The following CDK5R2 variants were observed in gnomAD, a reference collection of about 807,000 sequenced individuals.
The protein encoded by CDK5R2 is cyclin-dependent kinase 5 activator 2.
Under a neutral mutation model 23.1 loss-of-function variants are expected in CDK5R2, and 7 were observed. The ratio of observed to expected loss-of-function variants is 0.30; its 90% CI spans 0.17 to 0.57. CDK5R2 has a LOEUF of 0.57. CDK5R2 is among the 20% of genes least tolerant of loss of function. The probability of loss-of-function intolerance (pLI) is 0.91; values close to 1 mark genes in which losing one functional copy is unlikely to be tolerated. For synonymous variants in CDK5R2, 242 were observed against 264.9 expected (o/e 0.91, Z 0.84); for missense variants, 380 against 537.6 (o/e 0.71, Z 2.90).
chr2:218,960,960 C>A lies in CDK5R2; in HGVS notation c.*36C>A, dbSNP rs1274181170. Reference sequence around the variant, plus strand: ...GGGCCGCGCCCATCCCCCGCCCCAGCCCCTGACACACACTCGGACCCCCCG... The same window carrying A: ...GGGCCGCGCCCATCCCCCGCCCCAGACCCTGACACACACTCGGACCCCCCG... On this transcript the variant is annotated 3_prime_UTR_variant, in exon 1 of 1. Transcript: ENST00000302625. 1.8e-6 allele frequency: 2 copies of A among 1,118,542 alleles called. No homozygotes were observed. Among genetic ancestry groups the A allele is most frequent in the Non-Finnish European group, 2.4e-6 (2 of 822,658 alleles). The allele number at this position is 1,118,542 out of a possible 1,614,324, so 69.3% of individuals were successfully genotyped here.
rs1945197951 is a variant in CDK5R2, at chr2:218,960,759, C to T, written c.939C>T (p.Ala313=). 1 of 1,613,794 alleles carries T rather than the reference C, an allele frequency of 6.2e-7. No homozygotes were observed. Reference sequence around the variant, plus strand: ...GCCCGCAGATGCTGCGGCTCAACGCCGACCCCCACTTCTTCACGCAGGTCT... The same window carrying T: ...GCCCGCAGATGCTGCGGCTCAACGCTGACCCCCACTTCTTCACGCAGGTCT... ...RLSPQMLRLN[A]DPHFFTQVFQ... Residue 313 remains alanine (A), a synonymous_variant, in exon 1 of 1, where the codon GCC becomes GCT. Coordinates refer to ENST00000302625, the MANE Select transcript of CDK5R2 (RefSeq NM_003936.5).
Position 218,960,402 on chromosome 2 carries a change from G to A in CDK5R2, c.582G>A (p.Val194=), listed in dbSNP as rs374247286. ...GELLRCLGDF[V]CRRCYRLKEL... ...TGCTGCGCTGTCTGGGCGACTTCGTGTGCCGACGCTGCTATCGCCTCAAGG... is the reference window on the plus strand; with the variant it reads ...TGCTGCGCTGTCTGGGCGACTTCGTATGCCGACGCTGCTATCGCCTCAAGG... The change falls in exon 1 of 1, where the codon GTG becomes GTA. Residue 194 remains valine (V), a synonymous_variant. Coordinates refer to ENST00000302625, the MANE Select transcript of CDK5R2 (RefSeq NM_003936.5). 2.2e-5 allele frequency: 35 copies of A among 1,602,828 alleles called. No individual in the cohort carries two copies. The highest frequency in any genetic ancestry group is 3.0e-5 in the Non-Finnish European group (35 of 1,178,288).
At position 218,961,835 on chromosome 2, in the gene CDK5R2, TG is replaced by T. The variant is rs1393440740; in HGVS notation, c.*914del. The T allele has an allele frequency of 2.4e-5, 4 of 166,844 alleles. No individual in the cohort carries two copies. Among genetic ancestry groups the T allele is most frequent in the Non-Finnish European group, 5.9e-5 (4 of 68,132 alleles). The allele number at this position is 166,844 out of a possible 1,614,324, so 10.3% of individuals were successfully genotyped here. On this transcript the variant is annotated 3_prime_UTR_variant, in exon 1 of 1. Transcript: ENST00000302625. The surrounding 1 kb of genome is among the most constrained non-coding windows in gnomAD (Gnocchi z 4.4). Reference sequence around the variant, plus strand: ...CGGCCGCGGCGCCTCAGTGGACAGGTGGGAGGAAAAGAAAACTTCTTACCTT... The same window carrying T: ...CGGCCGCGGCGCCTCAGTGGACAGGTGGAGGAAAAGAAAACTTCTTACCTT...
At position 218,960,369 on chromosome 2, in the gene CDK5R2, C is replaced by T. The variant is rs778945304; in HGVS notation, c.549C>T (p.Thr183=). The T allele has an allele frequency of 6.4e-7, 1 of 1,558,768 alleles. No individual in the cohort carries two copies. Among genetic ancestry groups the T allele is most frequent in the Non-Finnish European group, 8.6e-7 (1 of 1,158,730 alleles). The change falls in exon 1 of 1, where the codon ACC becomes ACT. Residue 183 remains threonine, a synonymous_variant. Transcript: ENST00000302625. The stretch of plus-strand genomic sequence containing the variant: ...GGCGGGTCATCGTGCAGGCGTCCAC[C>T]GGCGAGCTGCTGCGCTGTCTGGGCG... ...SPRRVIVQAS[T]GELLRCLGDF...
Position 218,961,331 on chromosome 2 carries a change from C to G in CDK5R2, c.*407C>G, listed in dbSNP as rs1003571835. ...CTCTCTCCCTCTCTCTCCTGTTCCTCTCTTTCTTCCTCCCTCTCCCTGCCT... is the reference window on the plus strand; with the variant it reads ...CTCTCTCCCTCTCTCTCCTGTTCCTGTCTTTCTTCCTCCCTCTCCCTGCCT... On this transcript the variant is annotated 3_prime_UTR_variant, in exon 1 of 1. Coordinates refer to ENST00000302625, the MANE Select transcript of CDK5R2 (RefSeq NM_003936.5). This position sits in a 1 kb window ranked among gnomAD's most constrained non-coding sequence, Gnocchi z 4.4. 6.8e-4 allele frequency: 125 copies of G among 184,020 alleles called. 1 individual carries two copies. Among genetic ancestry groups the G allele is most frequent in the Non-Finnish European group, 1.9e-4 (15 of 80,216 alleles). The allele number at this position is 184,020 out of a possible 1,614,324, so 11.4% of individuals were successfully genotyped here.
chr2:218,960,927 A>C lies in CDK5R2; in HGVS notation c.*3A>C. 7.2e-7 allele frequency: 1 copy of C among 1,386,562 alleles called. No homozygotes were observed. The highest frequency in any genetic ancestry group is 9.4e-7 in the Non-Finnish European group (1 of 1,058,744). 85.9% of individuals were successfully genotyped at this position (1,386,562 alleles called of 1,614,324 possible). ...GGACTATGAACCTGGACCGCTAGGG[A>C]TACCCAGGGGCCGCGCCCATCCCCC... On this transcript the variant is annotated 3_prime_UTR_variant, in exon 1 of 1. Transcript: ENST00000302625.
At position 218,960,974 on chromosome 2, in the gene CDK5R2, T is replaced by G; in HGVS notation, c.*50T>G. The G allele has an allele frequency of 3.1e-6, 3 of 981,076 alleles. No individual in the cohort carries two copies. Among genetic ancestry groups the G allele is most frequent in the African/African-American group, 1.7e-5 (1 of 57,864 alleles). 60.8% of individuals were successfully genotyped at this position (981,076 alleles called of 1,614,324 possible). ...CCCCGCCCCAGCCCCTGACACACAC[T>G]CGGACCCCCCGGGACCACAAAGCCA... On this transcript the variant is annotated 3_prime_UTR_variant, in exon 1 of 1. Coordinates refer to ENST00000302625, the MANE Select transcript of CDK5R2 (RefSeq NM_003936.5).
In CDK5R2 at chr2:218,959,877, C is replaced by A; in HGVS notation, c.57C>A (p.Gly19=). 7.0e-7 allele frequency: 1 copy of A among 1,438,370 alleles called. No individual in the cohort carries two copies. 89.1% of individuals were successfully genotyped at this position (1,438,370 alleles called of 1,614,324 possible). ...PASSAKGRRP[G]GLPEEKKKAP... The stretch of plus-strand genomic sequence containing the variant: ...CCTCGGCCAAGGGCCGGAGGCCCGG[C>A]GGGCTGCCCGAGGAGAAGAAGAAGG... The change falls in exon 1 of 1, where the codon GGC becomes GGA. Residue 19 remains glycine (G), a synonymous_variant. Coordinates refer to ENST00000302625, the MANE Select transcript of CDK5R2 (RefSeq NM_003936.5). This position sits in a 1 kb window ranked among gnomAD's most constrained non-coding sequence, Gnocchi z 4.0.
chr2:218,960,823 GGCGGGGGCCCACCGA>G lies in CDK5R2; in HGVS notation c.1012_1026del (p.Pro338_Gly342del). 1.9e-6 allele frequency: 3 copies of G among 1,566,294 alleles called. No individual in the cohort carries two copies. The highest frequency in any genetic ancestry group is 2.1e-5 in the Admixed American group (1 of 48,632). On this transcript the variant is annotated inframe_deletion, in exon 1 of 1. Transcript: ENST00000302625. ...GAACGAGGGCGAGGCCGCCGCCAGCGGCGGGGGCCCACCGAGCGGGGGCGCGCCCGCCGCCTCCTC... is the reference window on the plus strand; with the variant it reads ...GAACGAGGGCGAGGCCGCCGCCAGCGGCGGGGGCGCGCCCGCCGCCTCCTC...
rs193030166 is a variant in CDK5R2 at position 218,961,423 on chromosome 2, C to T, written c.*499C>T. ...TCTTACCCCTTGCCTGACTGTACCC[C>T]GTAGACCCCTGTTTCTCCTCCTGCA... On this transcript the variant is annotated 3_prime_UTR_variant, in exon 1 of 1. Transcript: ENST00000302625. The surrounding 1 kb of genome is among the most constrained non-coding windows in gnomAD (Gnocchi z 4.4). 5 of 168,986 alleles carry T rather than the reference C, an allele frequency of 3.0e-5. No individual in the cohort carries two copies. In the East Asian group the frequency reaches 9.6e-4, roughly 33 times the overall value. 10.5% of individuals were successfully genotyped at this position (168,986 alleles called of 1,614,324 possible). A position where few individuals can be genotyped will look rare whatever the true frequency, so the allele number is the denominator to read the frequency against.
chr2:218,961,028 C>G lies in CDK5R2; in HGVS notation c.*104C>G. 1.7e-6 allele frequency: 1 copy of G among 573,572 alleles called. No individual in the cohort carries two copies. The highest frequency in any genetic ancestry group is 2.8e-6 in the Non-Finnish European group (1 of 353,918). The allele number at this position is 573,572 out of a possible 1,614,324, so 35.5% of individuals were successfully genotyped here. A position where few individuals can be genotyped will look rare whatever the true frequency, so the allele number is the denominator to read the frequency against. The stretch of plus-strand genomic sequence containing the variant: ...CCGCTGTTACCGCCGCTCAGCGCCC[C>G]GGCTGGGCGGAGGAGGAGACGCCCA... On this transcript the variant is annotated 3_prime_UTR_variant, in exon 1 of 1. Coordinates refer to ENST00000302625, the MANE Select transcript of CDK5R2 (RefSeq NM_003936.5). The surrounding 1 kb of genome is among the most constrained non-coding windows in gnomAD (Gnocchi z 4.4).
At position 218,959,900 on chromosome 2, in the gene CDK5R2, A is replaced by G. The variant is rs766248382; in HGVS notation, c.80A>G (p.Lys27Arg). 2.7e-6 allele frequency: 4 copies of G among 1,460,338 alleles called. No homozygotes were observed. Among genetic ancestry groups the G allele is most frequent in the East Asian group, 2.7e-5 (1 of 37,658 alleles). The allele number at this position is 1,460,338 out of a possible 1,614,324, so 90.5% of individuals were successfully genotyped here. A position where few individuals can be genotyped will look rare whatever the true frequency, so the allele number is the denominator to read the frequency against. Residue 27 changes from lysine to arginine, a missense_variant, in exon 1 of 1, where the codon AAG becomes AGG. Lys to Arg is a conservative substitution (Grantham distance 26). Transcript: ENST00000302625. The surrounding 1 kb of genome is among the most constrained non-coding windows in gnomAD (Gnocchi z 4.0). ...GGCGGGCTGCCCGAGGAGAAGAAGA[A>G]GGCGCCGCCCGCGGGGGACGAGGCG... Reference protein sequence around the residue: ...RPGGLPEEKKKAPPAGDEALG... With the variant: ...RPGGLPEEKKRAPPAGDEALG...
At position 218,961,981 on chromosome 2, in the gene CDK5R2, C is replaced by G. The variant is rs1251015846; in HGVS notation, c.*1057C>G. On this transcript the variant is annotated 3_prime_UTR_variant, in exon 1 of 1. Coordinates refer to ENST00000302625, the MANE Select transcript of CDK5R2 (RefSeq NM_003936.5). The surrounding 1 kb of genome is among the most constrained non-coding windows in gnomAD (Gnocchi z 4.4). Reference sequence around the variant, plus strand: ...GGAGGGGGGTAGGCTGGGCCGGGAACTGTCCGAGGTGCTGAGCTGGGGCGG... The same window carrying G: ...GGAGGGGGGTAGGCTGGGCCGGGAAGTGTCCGAGGTGCTGAGCTGGGGCGG... 2 of 167,176 alleles carry G rather than the reference C, an allele frequency of 1.2e-5. No homozygotes were observed. The highest frequency in any genetic ancestry group is 2.9e-5 in the Non-Finnish European group (2 of 68,372). The allele number at this position is 167,176 out of a possible 1,614,324, so 10.4% of individuals were successfully genotyped here.
In CDK5R2 at chr2:218,962,083, C is replaced by T. The variant is rs1945212454; in HGVS notation, c.*1159C>T. On this transcript the variant is annotated 3_prime_UTR_variant, in exon 1 of 1. Coordinates refer to ENST00000302625, the MANE Select transcript of CDK5R2 (RefSeq NM_003936.5). The stretch of plus-strand genomic sequence containing the variant: ...TGTCCAAGGTGCCAATGATGCGGGC[C>T]GACAGAGCGGGCCGCACTGTCTGTC... 6.0e-6 allele frequency: 1 copy of T among 167,100 alleles called. No individual in the cohort carries two copies. Among genetic ancestry groups the T allele is most frequent in the South Asian group, 2.1e-4 (1 of 4,830 alleles). 10.4% of individuals were successfully genotyped at this position (167,100 alleles called of 1,614,324 possible). A position where few individuals can be genotyped will look rare whatever the true frequency, so the allele number is the denominator to read the frequency against.
Position 218,960,694 on chromosome 2 carries a change from C to G in CDK5R2, c.874C>G (p.Arg292Gly). The G allele has an allele frequency of 2.5e-6, 4 of 1,614,028 alleles. No individual in the cohort carries two copies. Among genetic ancestry groups the G allele is most frequent in the Non-Finnish European group, 3.4e-6 (4 of 1,179,944 alleles). The change falls in exon 1 of 1, where the codon CGC becomes GGC. Residue 292 changes from arginine (R) to glycine (G), a missense_variant. Coordinates refer to ENST00000302625, the MANE Select transcript of CDK5R2 (RefSeq NM_003936.5). The part of the protein sequence containing the change: ...KPFLVEPDKE[R>G]FWQRCLRLIQ... The stretch of plus-strand genomic sequence containing the variant: ...CTTCCTCGTGGAGCCCGACAAGGAG[C>G]GCTTCTGGCAGCGCTGCCTGCGCCT...
chr2:218,961,369 T>G lies in CDK5R2; in HGVS notation c.*445T>G. On this transcript the variant is annotated 3_prime_UTR_variant, in exon 1 of 1. Transcript: ENST00000302625. This position sits in a 1 kb window ranked among gnomAD's most constrained non-coding sequence, Gnocchi z 4.4. Reference sequence around the variant, plus strand: ...CCTCTCCCTGCCTTTCCATTTTCCGTTCCTTGGGTTTGTGTGTCTGCATCT... The same window carrying G: ...CCTCTCCCTGCCTTTCCATTTTCCGGTCCTTGGGTTTGTGTGTCTGCATCT... 4 of 172,888 alleles carry G rather than the reference T, an allele frequency of 2.3e-5. No homozygotes were observed. Among genetic ancestry groups the G allele is most frequent in the Non-Finnish European group, 5.5e-5 (4 of 72,558 alleles). The allele number at this position is 172,888 out of a possible 1,614,324, so 10.7% of individuals were successfully genotyped here.
Position 218,959,786 on chromosome 2 carries a change from C to T in CDK5R2, c.-35C>T. 8.1e-7 allele frequency: 1 copy of T among 1,238,552 alleles called. No individual in the cohort carries two copies. Among genetic ancestry groups the T allele is most frequent in the Non-Finnish European group, 1.0e-6 (1 of 992,914 alleles). 76.7% of individuals were successfully genotyped at this position (1,238,552 alleles called of 1,614,324 possible). On this transcript the variant is annotated 5_prime_UTR_variant, in exon 1 of 1. Transcript: ENST00000302625. The surrounding 1 kb of genome is among the most constrained non-coding windows in gnomAD (Gnocchi z 4.0). ...GTAGCAGCGGCGCCGCCCGCGGCTCCCGCTGGGGCCTGGGCGCCGGCCCCG... is the reference window on the plus strand; with the variant it reads ...GTAGCAGCGGCGCCGCCCGCGGCTCTCGCTGGGGCCTGGGCGCCGGCCCCG...
At position 218,960,780 on chromosome 2, in the gene CDK5R2, G is replaced by A. The variant is rs753825444; in HGVS notation, c.960G>A (p.Gln320=). ...ACGCCGACCCCCACTTCTTCACGCA[G>A]GTCTTTCAAGACCTCAAGAACGAGG... ...RLNADPHFFT[Q]VFQDLKNEGE... is the part of the protein sequence containing the mutation. Residue 320 remains glutamine (Q), a synonymous_variant, in exon 1 of 1, where the codon CAG becomes CAA. Coordinates refer to ENST00000302625, the MANE Select transcript of CDK5R2 (RefSeq NM_003936.5). The A allele has an allele frequency of 1.9e-6, 3 of 1,613,474 alleles. No individual in the cohort carries two copies. Among genetic ancestry groups the A allele is most frequent in the Non-Finnish European group, 2.5e-6 (3 of 1,179,862 alleles).
Position 218,960,856 on chromosome 2 carries a change from G to A in CDK5R2, c.1036G>A (p.Ala346Thr). The change falls in exon 1 of 1, where the codon GCC becomes ACC. Residue 346 changes from alanine (A) to threonine (T), a missense_variant. This residue lies in a region of CDK5R2 where 59 missense variants were observed against 55.7 expected (regional missense o/e 1.06). Transcript: ENST00000302625. ...GGPPSGGAPA[A>T]SSAARDSCAA... ...CCCACCGAGCGGGGGCGCGCCCGCC[G>A]CCTCCTCGGCCGCCAGGGACAGCTG... The A allele has an allele frequency of 1.3e-6, 2 of 1,484,916 alleles. No homozygotes were observed. The highest frequency in any genetic ancestry group is 8.8e-7 in the Non-Finnish European group (1 of 1,130,212). The allele number at this position is 1,484,916 out of a possible 1,614,324, so 92.0% of individuals were successfully genotyped here. A position where few individuals can be genotyped will look rare whatever the true frequency, so the allele number is the denominator to read the frequency against.
Sources: gnomAD v4.1 joint callset for allele counts on GRCh38, gnomAD v4.1.1 for gene constraint, gnomAD v4.1.1 regional missense constraint, Gnocchi (gnomAD v3.1) non-coding constraint, MANE v1.5 for transcripts, NCBI Gene and HGNC (gene_info 2026-07-23, HGNC 2026-07-21) for gene names.